The following THAP6 variants were observed in gnomAD, a reference collection of about 807,000 sequenced individuals.
THAP6 encodes THAP domain-containing protein 6.
Under a neutral mutation model 20.0 loss-of-function variants are expected in THAP6, and 13 were observed. The ratio of observed to expected loss-of-function variants is 0.65; its 90% CI spans 0.42 to 1.03. The LOEUF is 1.03. THAP6 is among the 50% of genes least tolerant of loss of function. The pLI, the probability that THAP6 is intolerant of heterozygous loss-of-function variation, is 0.00. For missense variants in THAP6, 262 were observed against 261.6 expected, an observed-to-expected ratio of 1.00 and a Z score of -0.01; for synonymous variants, 93 against 92.2, an observed-to-expected ratio of 1.01 and a Z score of -0.05.
In THAP6 at chr4:75,521,886, A is replaced by G. The variant is rs774053569; in HGVS notation, c.414+25A>G. 4 of 1,612,520 alleles carry G rather than the reference A, an allele frequency of 2.5e-6. No individual in the cohort carries two copies. In the Admixed American group the frequency reaches 6.7e-5, roughly 27 times the overall value. On this transcript the variant is annotated intron_variant, in intron 4 of 4. Coordinates refer to ENST00000311638, the MANE Select transcript of THAP6 (RefSeq NM_144721.6). ...TGTAAGTAAATTACTTGCTGAGCTC[A>G]TGTTAATTCTTTTAAGATGAATATG...
intron 4 of THAP6, among the ~76,000 whole-genome samples, chr4:75,524,438 A>G (rs1718225983): frequency 6.6e-6 from 1 of 152,180 alleles, no homozygotes; most frequent in Admixed American, 6.5e-5. Context: ...TCCACCTGTT[A>G]TCATTTTGCC....
At chr4:75,532,686 T>C (rs927008226), downstream of THAP6, among the ~76,000 whole-genome samples, 3 of 152,234 alleles carry the variant, frequency 2.0e-5, no homozygotes, top group Non-Finnish European at 4.4e-5. Flanking sequence ...TAGGCGGAGA[T>C]GCCCAAACCT....
At chr4:75,516,643 A>T in intron 2 of THAP6, 129 bp from the exon 3 acceptor site, 1 of 754,108 alleles carries the variant, frequency 1.3e-6, no homozygotes, top group Non-Finnish European at 2.0e-6. Flanking sequence ...GGTTTCCTAA[A>T]TATTATAATT....
At chr4:75,547,043 A>C (rs1018260218) in intron 3 of THAP6, among the ~76,000 whole-genome samples, 1 of 152,200 alleles carries the variant, frequency 6.6e-6, no homozygotes, top group Admixed American at 6.5e-5. Context: ...GGGCACAACC[A>C]AGAGAGCTAA....
rs374122301 is a variant in THAP6, at chr4:75,521,748, A to G, written c.301A>G (p.Lys101Glu). Reference sequence around the variant, plus strand: ...CTACTCTTAACAGGGGAAAAGAGAAAAACTTCATTGTAGAAAAAACTTCAC... The same window carrying G: ...CTACTCTTAACAGGGGAAAAGAGAAGAACTTCATTGTAGAAAAAACTTCAC... ...SPYHLQGKRE[K>E]LHCRKNFTLK... is the part of the protein sequence containing the mutation. Residue 101 changes from lysine to glutamate, a missense_variant, in exon 4 of 5, where the codon AAA (lysine) becomes GAA (glutamate). Transcript: ENST00000311638. 6 of 1,610,872 alleles carry G rather than the reference A, an allele frequency of 3.7e-6. No homozygotes were observed. In the African/African-American group the frequency reaches 5.3e-5, roughly 14 times the overall value.
In THAP6 at chr4:75,528,601, TTC is replaced by T. The variant is rs1224242683; in HGVS notation, c.*1389_*1390del. 5.1e-6 allele frequency: 5 copies of T among 984,388 alleles called. No homozygotes were observed. In the African/African-American group the frequency reaches 7.0e-5, roughly 14 times the overall value. 61.0% of individuals were successfully genotyped at this position (984,388 alleles called of 1,614,324 possible). On this transcript the variant is annotated 3_prime_UTR_variant, in exon 5 of 5. Transcript: ENST00000311638. ...CTTGAATTTTTTGTATTTAAGAATT[TTC>T]TGTTTTAATGCATGTTATACTTTTA...
chr4:75,540,081 C>T, intron 2 of THAP6: 2 of 1,127,970 alleles, frequency 1.8e-6, no homozygotes, highest in South Asian at 1.6e-5. Flanking sequence ...CCTCTCACTC[C>T]AATACTGACA....
chr4:75,542,752 C>T, intron 3 of THAP6: 1 of 307,048 alleles, frequency 3.3e-6, no homozygotes, highest in Admixed American at 4.7e-5. Flanking sequence ...TTTATTTATT[C>T]TGGAGACCCA....
Position 75,529,327 on chromosome 4 carries a change from A to G in THAP6, c.*2113A>G. ...TACACCAAACCTGGAAGACCTTTCCAAGAGTAAAATCCCAGTCTGCCACTA... is the reference window on the plus strand; with the variant it reads ...TACACCAAACCTGGAAGACCTTTCCGAGAGTAAAATCCCAGTCTGCCACTA... On this transcript the variant is annotated 3_prime_UTR_variant, in exon 5 of 5. Transcript: ENST00000311638. 1 of 985,456 alleles carries G rather than the reference A, an allele frequency of 1.0e-6. No homozygotes were observed. Among genetic ancestry groups the G allele is most frequent in the Non-Finnish European group, 1.2e-6 (1 of 829,940 alleles). 61.0% of individuals were successfully genotyped at this position (985,456 alleles called of 1,614,324 possible). A position where few individuals can be genotyped will look rare whatever the true frequency, so the allele number is the denominator to read the frequency against.
intron 2 of THAP6, among the ~76,000 whole-genome samples, chr4:75,535,378 C>A (rs559786121): frequency 5.3e-5 from 8 of 149,768 alleles, no homozygotes; most frequent in Non-Finnish European, 1.2e-4. Context: ...TCAACTGAAG[C>A]AATTTCTGAA....
intron 4 of THAP6, among the ~76,000 whole-genome samples, chr4:75,526,414 A>G (rs1726371745): frequency 6.6e-6 from 1 of 152,192 alleles, no homozygotes; most frequent in Non-Finnish European, 1.5e-5. Flanking sequence ...TTCTCAAATG[A>G]AAAAGGAATA....
chr4:75,519,424 C>T lies in THAP6; in HGVS notation c.289-2312C>T, dbSNP rs1222589527. ...ACATGTGCCATGCTGGTGCGCTGCA[C>T]CCAGTAACTCATCATCTAGCATTAG... is the stretch of plus-strand genomic sequence containing the variant. On this transcript the variant is annotated intron_variant, in intron 3 of 4. Transcript: ENST00000311638. Among the ~76,000 whole-genome samples the T allele has an allele frequency of 2.6e-5, 4 of 151,674 alleles. No individual in the cohort carries two copies. The East Asian group carries it at 7.8e-4, about 29-fold the overall frequency.
chr4:75,532,505 G>C (rs1022756563), downstream of THAP6, among the ~76,000 whole-genome samples: 12 of 152,158 alleles, frequency 7.9e-5, no homozygotes, highest in African/African-American at 2.9e-4. Context: ...TCTGGAGGAC[G>C]TTGGTCCTCT....
intron 2 of THAP6, among the ~76,000 whole-genome samples, chr4:75,515,823 A>G (rs1056774983): frequency 6.6e-6 from 1 of 152,240 alleles, no homozygotes; most frequent in Non-Finnish European, 1.5e-5. Flanking sequence ...AAGAAATTCA[A>G]TGTTGTTTAC....
At chr4:75,539,608 G>A (rs1726952147) in intron 2 of THAP6, among the ~76,000 whole-genome samples, 2 of 152,200 alleles carry the variant, frequency 1.3e-5, no homozygotes, top group African/African-American at 4.8e-5. Context: ...ACCTTCCTGG[G>A]ATGTGAGAGT....
At chr4:75,530,215 T>C (rs541454321), downstream of THAP6, among the ~76,000 whole-genome samples, 95 of 152,290 alleles carry the variant, frequency 6.2e-4, no homozygotes, top group African/African-American at 2.3e-3. Context: ...AGCCCTTTTC[T>C]GCATTGGCCC....
intron 4 of THAP6, among the ~76,000 whole-genome samples, chr4:75,525,880 A>G (rs1167956171): frequency 6.6e-6 from 1 of 152,070 alleles, no homozygotes; most frequent in African/African-American, 2.4e-5. Flanking sequence ...GGCACTCCTA[A>G]TCTCTGGTTG....
At chr4:75,514,080 A>G (rs1725267033), upstream of THAP6, 2 of 1,473,846 alleles carry the variant, frequency 1.4e-6, no homozygotes, top group Admixed American at 2.1e-5. Flanking sequence ...CAGGTGGAAA[A>G]GGTATCCTGA....
At chr4:75,524,610 T>G (rs1486110752) in intron 4 of THAP6, among the ~76,000 whole-genome samples, 1 of 152,236 alleles carries the variant, frequency 6.6e-6, no homozygotes, top group Non-Finnish European at 1.5e-5. Flanking sequence ...CAGTTGTTTT[T>G]GGTACTTTTT....
Sources: gnomAD v4.1 joint callset for allele counts (sites outside exome capture counted in the v4.1 genomes callset) on GRCh38, gnomAD v4.1.1 for gene constraint, MANE v1.5 for transcripts, NCBI Gene and HGNC (gene_info 2026-07-23, HGNC 2026-07-21) for gene names.